The following CHD5 variants were observed in gnomAD, a reference collection of about 807,000 sequenced individuals.
The protein encoded by CHD5 is chromodomain helicase DNA binding protein 5.
CHD5 carries 69 observed loss-of-function variants against 230.3 expected under a neutral mutation model. The observed-to-expected ratio is 0.30, with a 90% CI of 0.25 to 0.37. The LOEUF (loss-of-function observed/expected upper bound fraction) is 0.37, where lower values mean the gene tolerates loss of function less well. Among genes scored for constraint, CHD5 ranks in the 10% least tolerant of loss-of-function variants. CHD5 has a pLI of 1.00. For missense variants in CHD5, 1,827 were observed against 2,622.8 expected (o/e 0.70, Z 6.63); for synonymous variants, 1,064 against 1,065.9 (o/e 1.00, Z 0.03).
At position 6,105,924 on chromosome 1, in the gene CHD5, G is replaced by A. The variant is rs886371031; in HGVS notation, c.*46+310C>T. On this transcript the variant is annotated intron_variant, in intron 41 of 41. Coordinates refer to ENST00000262450, the MANE Select transcript of CHD5 (RefSeq NM_015557.3). This position sits in a 1 kb window ranked among gnomAD's most constrained non-coding sequence, Gnocchi z 4.8. ...GCGGGGGCAGCAGTCTCTGACTTCC[G>A]CTGGGAACATGTGTGCAAATGAGAA... Among the ~76,000 whole-genome samples, 4 of 152,042 alleles carry A rather than the reference G, an allele frequency of 2.6e-5. No homozygotes were observed. The highest frequency in any genetic ancestry group is 4.8e-5 in the African/African-American group (2 of 41,386).
At chr1:6,177,559 GT>G (rs1161501546) in intron 1 of CHD5, among the ~76,000 whole-genome samples, 1 of 152,234 alleles carries the variant, frequency 6.6e-6, no homozygotes, top group Non-Finnish European at 1.5e-5. Context: ...TACTAGGGAG[GT>G]TGAGGCAGGA....
rs765209407 is a variant in CHD5 at position 6,124,023 on chromosome 1, C to A, written c.4624G>T (p.Val1542Leu). ...EGPEGKKSGEVISSDPNTPVP... is the reference protein window; with the variant it reads ...EGPEGKKSGELISSDPNTPVP... ...GGTGTGTTGGGGTCCGAGGAGATCACCTCGCCCGACTTCTTCCCCTCGGGC... is the reference window on the plus strand; with the variant it reads ...GGTGTGTTGGGGTCCGAGGAGATCAACTCGCCCGACTTCTTCCCCTCGGGC... Residue 1542 changes from valine to leucine, a missense_variant, in exon 31 of 42, where the codon GTG (valine) becomes TTG (leucine). Coordinates refer to ENST00000262450, the MANE Select transcript of CHD5 (RefSeq NM_015557.3). The A allele has an allele frequency of 6.2e-7, 1 of 1,612,938 alleles. No homozygotes were observed. The highest frequency in any genetic ancestry group is 8.5e-7 in the Non-Finnish European group (1 of 1,179,696).
chr1:6,172,258 C>T (rs1266225871), intron 1 of CHD5, among the ~76,000 whole-genome samples: 4 of 152,244 alleles, frequency 2.6e-5, no homozygotes, highest in Non-Finnish European at 5.9e-5. Flanking sequence ...CCCAAAGTAC[C>T]TAGGACTGAT....
chr1:6,158,319 A>G (rs1667111055), intron 3 of CHD5, among the ~76,000 whole-genome samples: 1 of 152,220 alleles, frequency 6.6e-6, no homozygotes, highest in East Asian at 1.9e-4. Context: ...CACGTGCAGT[A>G]GGAGACTCCG....
chr1:6,155,801 T>C lies in CHD5; in HGVS notation c.388-84A>G. Reference sequence around the variant, plus strand: ...TCCCCAGGGTCTCTGCCTAGGAGGCTTTGGCACAGGGGAAAGAGGAGGGGT... The same window carrying C: ...TCCCCAGGGTCTCTGCCTAGGAGGCCTTGGCACAGGGGAAAGAGGAGGGGT... On this transcript the variant is annotated intron_variant, in intron 3 of 41. Transcript: ENST00000262450. The surrounding 1 kb of genome is among the most constrained non-coding windows in gnomAD (Gnocchi z 4.0). 1 of 1,047,984 alleles carries C rather than the reference T, an allele frequency of 9.5e-7. No homozygotes were observed. The highest frequency in any genetic ancestry group is 1.5e-6 in the Non-Finnish European group (1 of 682,316). The allele number at this position is 1,047,984 out of a possible 1,614,324, so 64.9% of individuals were successfully genotyped here.
chr1:6,147,330 A>G (rs753362739), intron 9 of CHD5, among the ~76,000 whole-genome samples: 17 of 152,070 alleles, frequency 1.1e-4, no homozygotes, highest in Non-Finnish European at 2.4e-4. Context: ...CCTGTGCTGG[A>G]GCCCAGGGAC....
chr1:6,164,188 G>A (rs1667218598), intron 2 of CHD5, among the ~76,000 whole-genome samples: 1 of 152,242 alleles, frequency 6.6e-6, no homozygotes, highest in South Asian at 2.1e-4. Flanking sequence ...TAGGCCCGAT[G>A]CTCCGCACAC....
At chr1:6,109,552 C>T (rs1163578538) in intron 38 of CHD5, among the ~76,000 whole-genome samples, 1 of 152,198 alleles carries the variant, frequency 6.6e-6, no homozygotes, top group Non-Finnish European at 1.5e-5. Flanking sequence ...TAGCCCGGGC[C>T]GGGGCCCGCA....
intron 2 of CHD5, among the ~76,000 whole-genome samples, chr1:6,160,089 A>C: frequency 7.3e-6 from 1 of 137,214 alleles, no homozygotes. Context: ...CCCCAGCCAG[A>C]GAAGAAGAAC....
At position 6,171,750 on chromosome 1, in the gene CHD5, G is replaced by A. The variant is rs1007734417; in HGVS notation, c.80-3473C>T. ...GCAGAGGCCCAGAGGGTTCCAAGACGCAGAGCATGCAGCCAGTGTTAAGGT... is the reference window on the plus strand; with the variant it reads ...GCAGAGGCCCAGAGGGTTCCAAGACACAGAGCATGCAGCCAGTGTTAAGGT... On this transcript the variant is annotated intron_variant, in intron 1 of 41. Transcript: ENST00000262450. Among the ~76,000 whole-genome samples, 7 of 152,222 alleles carry A rather than the reference G, an allele frequency of 4.6e-5. 1 individual carries two copies. Among genetic ancestry groups the A allele is most frequent in the South Asian group, 4.1e-4 (2 of 4,834 alleles).
chr1:6,125,362 T>C lies in CHD5; in HGVS notation c.4261-129A>G. 1 of 1,204,910 alleles carries C rather than the reference T, an allele frequency of 8.3e-7. No homozygotes were observed. Among genetic ancestry groups the C allele is most frequent in the Non-Finnish European group, 1.2e-6 (1 of 867,508 alleles). 74.6% of individuals were successfully genotyped at this position (1,204,910 alleles called of 1,614,324 possible). On this transcript the variant is annotated intron_variant, in intron 28 of 41. Coordinates refer to ENST00000262450, the MANE Select transcript of CHD5 (RefSeq NM_015557.3). The surrounding 1 kb of genome is among the most constrained non-coding windows in gnomAD (Gnocchi z 6.7). ...AGGGGGCACAGAGAAGGCAGGGGCC[T>C]CCACCTGGGGCAGGACCCTGACGGC...
intron 2 of CHD5, among the ~76,000 whole-genome samples, chr1:6,160,993 G>A (rs1667168558): frequency 6.6e-6 from 1 of 152,366 alleles, no homozygotes; most frequent in Non-Finnish European, 1.5e-5. Flanking sequence ...GGCTTGCCAT[G>A]CGCAGGACTG....
In CHD5 at chr1:6,143,938, A is replaced by G. The variant is rs369634721; in HGVS notation, c.1935-7T>C. On this transcript the variant is annotated splice_region_variant and splice_polypyrimidine_tract_variant and intron_variant, in intron 12 of 41. Coordinates refer to ENST00000262450, the MANE Select transcript of CHD5 (RefSeq NM_015557.3). ...TTCTCCCAGCATCAGCTCCCTGGGA[A>G]ACGGCATTGGAGGCAGGTGAGCAAG... 5 of 1,613,964 alleles carry G rather than the reference A, an allele frequency of 3.1e-6. No individual in the cohort carries two copies. The African/African-American group carries it at 6.7e-5, about 22-fold the overall frequency.
intron 1 of CHD5, among the ~76,000 whole-genome samples, chr1:6,172,964 G>A (rs2100886691): frequency 6.6e-6 from 1 of 152,208 alleles, no homozygotes; most frequent in East Asian, 1.9e-4. Context: ...CTGATTCTGG[G>A]TGGTTGAAGG....
rs945536534 is a variant in CHD5, at chr1:6,167,577, C to G, written c.207+573G>C. ...GGATCAAGTGAGCCCGCGTGAAGCA[C>G]AGAGAAGCACACTCGGAATGTGTCA... is the stretch of plus-strand genomic sequence containing the variant. On this transcript the variant is annotated intron_variant, in intron 2 of 41. Coordinates refer to ENST00000262450, the MANE Select transcript of CHD5 (RefSeq NM_015557.3). This position sits in a 1 kb window ranked among gnomAD's most constrained non-coding sequence, Gnocchi z 4.5. Among the ~76,000 whole-genome samples, 1 of 152,180 alleles carries G rather than the reference C, an allele frequency of 6.6e-6. No individual in the cohort carries two copies. The highest frequency in any genetic ancestry group is 2.4e-5 in the African/African-American group (1 of 41,432).
intron 33 of CHD5, chr1:6,113,552 A>G (rs987751480): frequency 2.0e-5 from 5 of 247,282 alleles, no homozygotes; most frequent in Non-Finnish European, 4.1e-5. Context: ...TGGGGTGATG[A>G]GACACCAGGA....
chr1:6,107,985 G>A (rs1233357280), intron 38 of CHD5, among the ~76,000 whole-genome samples: 7 of 140,564 alleles, frequency 5.0e-5, no homozygotes, highest in Admixed American at 5.0e-4. Context: ...AGGGATGATG[G>A]AGAGATGGGG....
At chr1:6,164,961 G>A (rs1312190329) in intron 2 of CHD5, among the ~76,000 whole-genome samples, 3 of 152,160 alleles carry the variant, frequency 2.0e-5, no homozygotes. Flanking sequence ...TTACCAAGGT[G>A]GACACCAAGC....
At chr1:6,143,747 A>G in intron 13 of CHD5, 76 bp downstream of exon 13, 1 of 1,277,744 alleles carries the variant, frequency 7.8e-7, no homozygotes, top group South Asian at 1.2e-5. Flanking sequence ...GAGAACACAC[A>G]CCCCCTGCAC....
Sources: allele counts gnomAD v4.1 joint callset (sites outside exome capture counted in the v4.1 genomes callset), GRCh38; gene constraint gnomAD v4.1.1; non-coding constraint Gnocchi (gnomAD v3.1); transcripts MANE v1.5; gene names NCBI Gene and HGNC (gene_info 2026-07-23, HGNC 2026-07-21).